NDE1: variants seen among roughly 807,000 people sequenced by gnomAD.
NDE1 encodes the protein nudE neurodevelopment protein 1, also known as nuclear distribution protein nudE homolog 1.
In NDE1, 28 loss-of-function variants were observed where a neutral mutation model predicts 43.4. The observed-to-expected ratio is 0.65, with a 90% confidence interval of 0.48 to 0.89. The LOEUF (loss-of-function observed/expected upper bound fraction) is 0.89. Among genes scored for constraint, NDE1 ranks in the 40% least tolerant of loss-of-function variants. The probability of loss-of-function intolerance (pLI) is 0.00; values close to 1 mark genes in which losing one functional copy is unlikely to be tolerated. For missense variants in NDE1, 441 were observed against 434.1 expected (o/e 1.02, Z -0.14); for synonymous variants, 184 against 172.0 (o/e 1.07, Z -0.55).
intron 6 of NDE1, 71 bp downstream of exon 6, chr16:15,691,394 C>G (rs1721010312): frequency 7.9e-6 from 12 of 1,527,100 alleles, no homozygotes; most frequent in Non-Finnish European, 1.1e-5. Flanking sequence ...TGGGGTGGGT[C>G]CTGGGGGTGT....
chr16:15,693,576 G>A (rs1175301038), intron 6 of NDE1, among the ~76,000 whole-genome samples: 3 of 152,128 alleles, frequency 2.0e-5, no homozygotes, highest in East Asian at 3.9e-4. Flanking sequence ...CAAGGTGGGA[G>A]GATCGCTTGA....
chr16:15,657,575 C>T (rs1698648136), intron 1 of NDE1, among the ~76,000 whole-genome samples: 3 of 152,070 alleles, frequency 2.0e-5, no homozygotes, highest in Admixed American at 2.0e-4. Context: ...TTGTTAATGA[C>T]TGCTATTAAC....
chr16:15,678,422 T>C lies in NDE1; in HGVS notation c.386+473T>C, dbSNP rs148759827. ...TCTCTGTCGCCAGGTTGGTGTACAG[T>C]GGCGTGATTTCGGCTCACTACAATC... is the stretch of plus-strand genomic sequence containing the variant. On this transcript the variant is annotated intron_variant, in intron 4 of 8. Coordinates refer to ENST00000396354, the MANE Select transcript of NDE1 (RefSeq NM_017668.3). 3.1e-3 allele frequency among the ~76,000 whole-genome samples: 478 copies of C among 152,176 alleles called. 5 individuals carry two copies. Among genetic ancestry groups the C allele is most frequent in the African/African-American group, 0.011 (467 of 41,552 alleles).
intron 1 of NDE1, among the ~76,000 whole-genome samples, chr16:15,659,241 A>G (rs1406753769): frequency 2.6e-5 from 4 of 152,022 alleles, no homozygotes; most frequent in Non-Finnish European, 1.5e-5. Context: ...TTCCACCAGA[A>G]GTTAGTGGTG....
intron 8 of NDE1, 82 bp from the exon 9 acceptor site, chr16:15,724,109 T>C: frequency 6.2e-7 from 1 of 1,609,670 alleles, no homozygotes. Context: ...GCAGAGCTGA[T>C]TCCCCAACCC....
chr16:15,647,891 G>C (rs1376553274), upstream of NDE1, among the ~76,000 whole-genome samples: 1 of 151,892 alleles, frequency 6.6e-6, no homozygotes, highest in East Asian at 1.9e-4. Context: ...AAATTAGCTG[G>C]GCGTGTTGGT....
At chr16:15,658,060 A>G (rs1171882518) in intron 1 of NDE1, among the ~76,000 whole-genome samples, 3 of 152,166 alleles carry the variant, frequency 2.0e-5, no homozygotes, top group East Asian at 3.9e-4. Context: ...TAGGTGTTCA[A>G]ATGATATTGT....
intron 8 of NDE1, among the ~76,000 whole-genome samples, chr16:15,708,153 C>T (rs56365050): frequency 0.083 from 12,595 of 152,028 alleles, 1,322 homozygotes; most frequent in African/African-American, 0.25. Flanking sequence ...GCTTCCACCC[C>T]GTGTGCTGAA....
chr16:15,662,819 T>C (rs2037115931), intron 1 of NDE1, among the ~76,000 whole-genome samples: 1 of 152,170 alleles, frequency 6.6e-6, no homozygotes, highest in African/African-American at 2.4e-5. Flanking sequence ...GCTCAAGCGA[T>C]CTGCCTACCT....
upstream of NDE1, among the ~76,000 whole-genome samples, chr16:15,645,580 G>A (rs1596531019): frequency 1.3e-5 from 2 of 152,284 alleles, no homozygotes; most frequent in Admixed American, 1.3e-4. Context: ...TAAAGACTAG[G>A]AGCCTAAGCA....
intron 5 of NDE1, among the ~76,000 whole-genome samples, chr16:15,690,518 C>G (rs148381495): frequency 2.0e-5 from 3 of 151,280 alleles, no homozygotes; most frequent in Non-Finnish European, 4.4e-5. Context: ...TCACTGCTCC[C>G]GGGCATATTT....
chr16:15,720,588 A>G (rs559687403), intron 8 of NDE1, among the ~76,000 whole-genome samples: 22 of 130,136 alleles, frequency 1.7e-4, no homozygotes, highest in East Asian at 3.0e-4. Context: ...GTCTCCACTG[A>G]AAAAAAAAAA....
At chr16:15,703,938 G>T (rs770713830) in intron 8 of NDE1, 1 of 1,612,398 alleles carries the variant, frequency 6.2e-7, no homozygotes, top group East Asian at 2.2e-5. Context: ...TTTTTTGTTT[G>T]TTTGTTTTGG....
At chr16:15,677,134 C>T (rs1312669069) in intron 3 of NDE1, among the ~76,000 whole-genome samples, 4 of 152,130 alleles carry the variant, frequency 2.6e-5, no homozygotes, top group Non-Finnish European at 2.9e-5. Flanking sequence ...TGACACCTGC[C>T]TGTTCCCACC....
chr16:15,683,316 A>G (rs762720053), intron 4 of NDE1: 2 of 152,120 alleles, frequency 1.3e-5, no homozygotes, highest in Non-Finnish European at 2.9e-5. Context: ...AAATTATTGC[A>G]ATATTTTGCT....
chr16:15,673,615 C>G (rs1322985616), intron 3 of NDE1, among the ~76,000 whole-genome samples: 1 of 151,612 alleles, frequency 6.6e-6, no homozygotes, highest in Non-Finnish European at 1.5e-5. Context: ...TTACTGGAGC[C>G]TCAACCTCCT....
At chr16:15,689,960 T>A (rs1254641526) in intron 5 of NDE1, among the ~76,000 whole-genome samples, 7 of 148,192 alleles carry the variant, frequency 4.7e-5, no homozygotes, top group African/African-American at 7.5e-5. Flanking sequence ...AAAAAAAAAA[T>A]TCAGAGAACA....
At chr16:15,662,693 C>T (rs1443219420) in intron 1 of NDE1, among the ~76,000 whole-genome samples, 2 of 152,186 alleles carry the variant, frequency 1.3e-5, no homozygotes, top group Non-Finnish European at 2.9e-5. Flanking sequence ...CCTCCCATCT[C>T]AGCCTCCTGA....
At chr16:15,653,284 G>A (rs1341964260) in intron 1 of NDE1, among the ~76,000 whole-genome samples, 1 of 152,152 alleles carries the variant, frequency 6.6e-6, no homozygotes, top group South Asian at 2.1e-4. Context: ...CTTTGAACAT[G>A]GGTCCTTGCC....
Sources: gnomAD v4.1 joint callset for allele counts (sites outside exome capture counted in the v4.1 genomes callset) on GRCh38, gnomAD v4.1.1 for gene constraint, MANE v1.5 for transcripts, NCBI Gene and HGNC (gene_info 2026-07-23, HGNC 2026-07-21) for gene names.